IPO11: variants seen among roughly 807,000 people sequenced by gnomAD.
IPO11 encodes the protein importin 11.
A neutral mutation model predicts 143.2 loss-of-function variants in IPO11; 66 were observed. That is an observed-to-expected ratio of 0.46 (90% CI 0.38 to 0.57). IPO11 has a LOEUF of 0.57. Among genes scored for constraint, IPO11 ranks in the 20% least tolerant of loss-of-function variants. The probability of loss-of-function intolerance (pLI) is 0.00; values close to 1 mark genes in which losing one functional copy is unlikely to be tolerated. For synonymous variants in IPO11, 385 were observed against 377.8 expected (o/e 1.02, Z -0.22); for missense variants, 1,026 against 1,141.0 (o/e 0.90, Z 1.45).
intron 29 of IPO11, among the ~76,000 whole-genome samples, chr5:62,616,719 CAAAAAA>C (rs538760503): frequency 0.48 from 39,649 of 83,208 alleles, 6,439 homozygotes; most frequent in South Asian, 0.57. Flanking sequence ...GACTCTGACT[CAAAAAA>C]AAAAAAAAAA....
chr5:62,442,835 G>C (rs1333538208), intron 2 of IPO11, 148 bp from the exon 3 acceptor site: 1 of 463,144 alleles, frequency 2.2e-6, no homozygotes, highest in Non-Finnish European at 3.7e-6. Flanking sequence ...TTGCACTCCA[G>C]CCTGGGCGAC....
intron 9 of IPO11, among the ~76,000 whole-genome samples, chr5:62,478,989 A>G (rs932735105): frequency 4.6e-5 from 7 of 152,148 alleles, no homozygotes; most frequent in African/African-American, 1.7e-4. Context: ...CACAATGTGC[A>G]GATTTGTTAC....
chr5:62,465,435 T>C (rs1745538474), intron 5 of IPO11, among the ~76,000 whole-genome samples: 1 of 152,252 alleles, frequency 6.6e-6, no homozygotes, highest in Non-Finnish European at 1.5e-5. Flanking sequence ...ATAAAGCTTT[T>C]TTCCCACTTT....
chr5:62,499,882 G>A (rs575929409), intron 16 of IPO11, among the ~76,000 whole-genome samples: 59 of 152,092 alleles, frequency 3.9e-4, no homozygotes, highest in African/African-American at 1.0e-3. Context: ...CTAGGCCTAC[G>A]CAGGGTTAGG....
chr5:62,613,341 T>G (rs1395004459), intron 29 of IPO11, among the ~76,000 whole-genome samples: 1 of 144,594 alleles, frequency 6.9e-6, no homozygotes, highest in African/African-American at 2.6e-5. Context: ...TCTTATTTTC[T>G]CACCCAGTTT....
intron 19 of IPO11, 94 bp from the exon 20 acceptor site, chr5:62,515,294 G>A: frequency 1.4e-6 from 1 of 705,212 alleles, no homozygotes; most frequent in Non-Finnish European, 2.4e-6. Context: ...AATATGTGCT[G>A]TCTGGGACTT....
intron 6 of IPO11, among the ~76,000 whole-genome samples, chr5:62,468,163 G>GC (rs572442946): frequency 1.5e-4 from 23 of 152,202 alleles, no homozygotes; most frequent in African/African-American, 5.5e-4. Flanking sequence ...TGATCCTCCT[G>GC]CCTTGACCTC....
chr5:62,489,847 C>A (rs548034998), intron 14 of IPO11, among the ~76,000 whole-genome samples: 1 of 152,160 alleles, frequency 6.6e-6, no homozygotes, highest in South Asian at 2.1e-4. Flanking sequence ...TAGAAGCAGG[C>A]ATTATTTTAT....
intron 1 of IPO11, among the ~76,000 whole-genome samples, chr5:62,424,248 T>G (rs1025992376): frequency 1.3e-5 from 2 of 151,882 alleles, no homozygotes; most frequent in Non-Finnish European, 2.9e-5. Context: ...CACGCCATTC[T>G]CCTGCCTCAG....
At chr5:62,604,614 TTA>T (rs1745634397) in intron 29 of IPO11, among the ~76,000 whole-genome samples, 1 of 152,204 alleles carries the variant, frequency 6.6e-6, no homozygotes, top group Admixed American at 6.5e-5. Flanking sequence ...CACCCCCACT[TTA>T]TCATTCTAAT....
chr5:62,606,898 G>GGTTGA (rs1263880927), intron 29 of IPO11, among the ~76,000 whole-genome samples: 1 of 152,186 alleles, frequency 6.6e-6, no homozygotes, highest in Admixed American at 6.5e-5. Flanking sequence ...CTATACGTTA[G>GGTTGA]GTTGAGTTGC....
At chr5:62,595,333 A>G (rs1222478000) in intron 28 of IPO11, among the ~76,000 whole-genome samples, 1 of 152,198 alleles carries the variant, frequency 6.6e-6, no homozygotes, top group Non-Finnish European at 1.5e-5. Flanking sequence ...GGAAATGGGG[A>G]CAGGTAGGTA....
Position 62,490,216 on chromosome 5 carries a change from A to G in IPO11, c.1459A>G (p.Asn487Asp), listed in dbSNP as rs760381119. ...TCTTCCAGAATTACAAGTCATTCAC[A>G]ATAGGCAAGTATAAAATTTTATATT... ...QLLPELQVIH[N>D]RYKPLRRRVI... Residue 487 changes from asparagine (N) to aspartate (D), a missense_variant, in exon 15 of 30, where the codon AAT (asparagine) becomes GAT (aspartate). Physicochemically the swap from Asn to Asp is conservative, Grantham distance 23. Around this residue, in one of 5 missense-constraint regions of IPO11, gnomAD observed 237 missense variants for 288.0 expected, o/e 0.82. Coordinates refer to ENST00000325324, the MANE Select transcript of IPO11 (RefSeq NM_016338.5). 6.4e-7 allele frequency: 1 copy of G among 1,572,844 alleles called. No individual in the cohort carries two copies. The highest frequency in any genetic ancestry group is 1.4e-5 in the African/African-American group (1 of 73,138).
chr5:62,573,705 A>G (rs754559589), intron 27 of IPO11, among the ~76,000 whole-genome samples: 19 of 152,246 alleles, frequency 1.2e-4, no homozygotes, highest in Non-Finnish European at 2.5e-4. Context: ...GCCAAGAAGC[A>G]GTTAACCATA....
At chr5:62,472,529 C>CTTT (rs11398365) in intron 7 of IPO11, among the ~76,000 whole-genome samples, 10 of 131,202 alleles carry the variant, frequency 7.6e-5, no homozygotes, top group South Asian at 2.5e-4. Flanking sequence ...ATATAAAAAT[C>CTTT]TTTTTTTTTT....
In IPO11 at chr5:62,551,207, T is replaced by C; in HGVS notation, c.2347-16T>C. 1 of 1,382,106 alleles carries C rather than the reference T, an allele frequency of 7.2e-7. No homozygotes were observed. Among genetic ancestry groups the C allele is most frequent in the Non-Finnish European group, 1.0e-6 (1 of 979,300 alleles). 85.6% of individuals were successfully genotyped at this position (1,382,106 alleles called of 1,614,324 possible). A position where few individuals can be genotyped will look rare whatever the true frequency, so the allele number is the denominator to read the frequency against. The stretch of plus-strand genomic sequence containing the variant: ...CCATAACACAATTTTACATGTGTTG[T>C]ATTTTAATTGTACAGAGGTATCCTG... On this transcript the variant is annotated splice_polypyrimidine_tract_variant and intron_variant, in intron 25 of 29. Transcript: ENST00000325324.
chr5:62,513,321 C>G (rs1432261396), intron 19 of IPO11, among the ~76,000 whole-genome samples: 2 of 92,158 alleles, frequency 2.2e-5, no homozygotes, highest in Admixed American at 1.2e-4. Context: ...GCTGACCCCC[C>G]CACCTCCCTC....
At chr5:62,516,533 A>G (rs973943229) in intron 20 of IPO11, among the ~76,000 whole-genome samples, 5 of 152,060 alleles carry the variant, frequency 3.3e-5, no homozygotes, top group Non-Finnish European at 5.9e-5. Context: ...ACCTCAAGTG[A>G]TCCGCCCACC....
chr5:62,607,553 A>C (rs534615229), intron 29 of IPO11, among the ~76,000 whole-genome samples: 1 of 152,236 alleles, frequency 6.6e-6, no homozygotes, highest in South Asian at 2.1e-4. Context: ...TAATGTATGC[A>C]TAAAATACAT....
Sources: gnomAD v4.1 joint callset for allele counts (sites outside exome capture counted in the v4.1 genomes callset) on GRCh38, gnomAD v4.1.1 for gene constraint, gnomAD v4.1.1 regional missense constraint, MANE v1.5 for transcripts, NCBI Gene and HGNC (gene_info 2026-07-23, HGNC 2026-07-21) for gene names.